The following ANO1 variants were observed in gnomAD, a reference collection of about 807,000 sequenced individuals.
ANO1 encodes the protein anoctamin-1.
Under a neutral mutation model 124.0 loss-of-function variants are expected in ANO1, and 59 were observed. The observed-to-expected ratio is 0.48, with a 90% CI of 0.39 to 0.59. ANO1 has a LOEUF of 0.59. ANO1 is among the 20% of genes least tolerant of loss of function. The pLI is 0.00. For synonymous variants in ANO1, 529 were observed against 532.0 expected (o/e 0.99, Z 0.08); for missense variants, 1,059 against 1,328.0 (o/e 0.80, Z 3.15).
At chr11:70,162,255 G>A (rs1190246814) in intron 18 of ANO1, among the ~76,000 whole-genome samples, 2 of 151,298 alleles carry the variant, frequency 1.3e-5, no homozygotes, top group Non-Finnish European at 3.0e-5. Context: ...GGACCCGGGA[G>A]TGAGGGCCCC....
At chr11:70,060,023 T>C (rs1418909696) in intron 1 of ANO1, among the ~76,000 whole-genome samples, 1 of 149,918 alleles carries the variant, frequency 6.7e-6, no homozygotes, top group Non-Finnish European at 1.5e-5. Context: ...GATCAGTAGG[T>C]TTCTGGTGTC....
intron 13 of ANO1, among the ~76,000 whole-genome samples, chr11:70,152,800 C>T (rs564647681): frequency 7.2e-5 from 11 of 152,358 alleles, no homozygotes; most frequent in African/African-American, 2.4e-4. Context: ...CAGGCTTCTC[C>T]ACCTCCAGGA....
At chr11:70,091,722 G>C (rs1029290425) in intron 2 of ANO1, among the ~76,000 whole-genome samples, 3 of 152,194 alleles carry the variant, frequency 2.0e-5, no homozygotes, top group African/African-American at 7.2e-5. Context: ...GTGTGACCTG[G>C]CCTTTGTTCC....
At chr11:70,140,728 C>A (rs1024139388) in intron 11 of ANO1, among the ~76,000 whole-genome samples, 11 of 152,100 alleles carry the variant, frequency 7.2e-5, no homozygotes, top group Non-Finnish European at 1.5e-4. Flanking sequence ...GATTAATTGT[C>A]TTAATTACTA....
chr11:70,015,253 A>G (rs1290335722), intron 1 of ANO1: 8 of 152,176 alleles, frequency 5.3e-5, no homozygotes, highest in African/African-American at 1.7e-4. Flanking sequence ...GTTAAATACC[A>G]GAGAGTTAAT....
chr11:70,159,591 C>T (rs1279569949), intron 16 of ANO1, among the ~76,000 whole-genome samples: 1 of 152,228 alleles, frequency 6.6e-6, no homozygotes, highest in Non-Finnish European at 1.5e-5. Flanking sequence ...CCCCACACGC[C>T]CCTGGTCCTG....
chr11:70,048,832 T>G (rs1555005968), intron 1 of ANO1, among the ~76,000 whole-genome samples: 2 of 151,976 alleles, frequency 1.3e-5, no homozygotes, highest in Admixed American at 6.6e-5. Context: ...AGAAATTATA[T>G]CCCTTGGGGG....
rs1159649188 is a variant in ANO1 at position 70,143,575 on chromosome 11, C to T, written c.1259-6135C>T. Among the ~76,000 whole-genome samples the T allele has an allele frequency of 2.6e-5, 4 of 152,052 alleles. No homozygotes were observed. The East Asian group carries it at 5.8e-4, about 22-fold the overall frequency. On this transcript the variant is annotated intron_variant, in intron 11 of 25. Transcript: ENST00000355303. ...CGGAGCTTGTTCAGAATGCAGATTC[C>T]GGGGACCCTGGGTGACTCTGTAGGT...
intron 1 of ANO1, among the ~76,000 whole-genome samples, chr11:70,017,671 C>T (rs1429709827): frequency 2.6e-5 from 4 of 151,902 alleles, no homozygotes; most frequent in African/African-American, 9.7e-5. Flanking sequence ...TGCACCACCA[C>T]ACCCAGCTAA....
chr11:69,999,425 G>T (rs73514546), intron 1 of ANO1, among the ~76,000 whole-genome samples: 3 of 152,166 alleles, frequency 2.0e-5, no homozygotes, highest in Non-Finnish European at 4.4e-5. Context: ...ACGACATTTC[G>T]ATATGAGATT....
At chr11:70,186,650 A>G (rs1203992425) in intron 25 of ANO1, among the ~76,000 whole-genome samples, 1 of 152,148 alleles carries the variant, frequency 6.6e-6, no homozygotes, top group Non-Finnish European at 1.5e-5. Context: ...CCGGCAGCTG[A>G]GGTCCCAGAG....
intron 22 of ANO1, among the ~76,000 whole-genome samples, chr11:70,177,018 A>T (rs1417291702): frequency 6.6e-6 from 1 of 152,138 alleles, no homozygotes; most frequent in East Asian, 1.9e-4. Flanking sequence ...ACCTGTCAGG[A>T]CAGGCTCCAT....
intron 25 of ANO1, 97 bp downstream of exon 25, chr11:70,185,792 G>C: frequency 7.3e-7 from 1 of 1,361,496 alleles, no homozygotes; most frequent in Non-Finnish European, 1.0e-6. Context: ...CTAAAGCCAG[G>C]GGTTCAGAGA....
Position 70,087,608 on chromosome 11 carries a change from C to T in ANO1, c.109-144C>T, listed in dbSNP as rs1240632072. On this transcript the variant is annotated intron_variant, in intron 1 of 25. Transcript: ENST00000355303. ...CCCAGGTGTATCTCAGGCCCTAGGACAGTGCCTGGCCCGTGGAGGGCGCTC... is the reference window on the plus strand; with the variant it reads ...CCCAGGTGTATCTCAGGCCCTAGGATAGTGCCTGGCCCGTGGAGGGCGCTC... 3 of 725,540 alleles carry T rather than the reference C, an allele frequency of 4.1e-6. No individual in the cohort carries two copies. The African/African-American group carries it at 5.4e-5, about 13-fold the overall frequency. The allele number at this position is 725,540 out of a possible 1,614,324, so 44.9% of individuals were successfully genotyped here.
chr11:69,971,316 A>T, the ANO1 span, among the ~76,000 whole-genome samples: 2 of 152,182 alleles, frequency 1.3e-5, no homozygotes, highest in Admixed American at 6.5e-5. Flanking sequence ...AATTTGCCTC[A>T]TGGAGCTTTC....
intron 1 of ANO1, among the ~76,000 whole-genome samples, chr11:70,062,763 G>A (rs1376439521): frequency 7.2e-5 from 11 of 152,180 alleles, no homozygotes; most frequent in Admixed American, 6.5e-4. Context: ...ATCTCTGAGC[G>A]GGAAGTACTA....
At chr11:70,161,421 T>C in intron 17 of ANO1, 59 bp downstream of exon 17, 1 of 1,564,474 alleles carries the variant, frequency 6.4e-7, no homozygotes, top group East Asian at 2.2e-5. Context: ...GTCGCCTGCC[T>C]CTTGCTGTGC....
At chr11:70,132,213 G>C (rs2046786353) in intron 11 of ANO1, 134 bp downstream of exon 11, 3 of 1,208,910 alleles carry the variant, frequency 2.5e-6, no homozygotes, top group Non-Finnish European at 3.4e-6. Flanking sequence ...AAGGGGGCTG[G>C]TGGAAACGAC....
chr11:69,995,099 T>TTTTG (rs199951291), intron 1 of ANO1, among the ~76,000 whole-genome samples: 99 of 145,412 alleles, frequency 6.8e-4, no homozygotes, highest in African/African-American at 2.4e-3. Flanking sequence ...CACTGTTTTT[T>TTTTG]TTTTTTTTTT....
Sources: gnomAD v4.1 joint callset for allele counts (sites outside exome capture counted in the v4.1 genomes callset) on GRCh38, gnomAD v4.1.1 for gene constraint, MANE v1.5 for transcripts, NCBI Gene and HGNC (gene_info 2026-07-23, HGNC 2026-07-21) for gene names.